Variants in KIF17 observed in about 807,000 individuals in gnomAD.
KIF17 encodes kinesin family member 17, also known as kinesin-like protein KIF17.
Under a neutral mutation model 96.8 loss-of-function variants are expected in KIF17, and 80 were observed. The observed-to-expected ratio is 0.83, with a 90% CI of 0.69 to 1.00. The LOEUF is 1.00. Ranked by LOEUF, KIF17 falls within the 50% of genes least tolerant of loss-of-function variation. The pLI, the probability that KIF17 is intolerant of heterozygous loss-of-function variation, is 0.00. For synonymous variants in KIF17, 567 were observed against 587.5 expected (o/e 0.97, Z 0.51); for missense variants, 1,280 against 1,372.9 (o/e 0.93, Z 1.07).
At chr1:20,669,564 TA>T (rs1553149018) in intron 13 of KIF17, among the ~76,000 whole-genome samples, 149 of 124,448 alleles carry the variant, frequency 1.2e-3, no homozygotes, top group African/African-American at 3.5e-3. Context: ...ATAATAATAA[TA>T]AATAAAATAA....
intron 6 of KIF17, among the ~76,000 whole-genome samples, chr1:20,695,035 GGCACACATGT>G (rs2054109302): frequency 6.6e-6 from 1 of 151,662 alleles, no homozygotes; most frequent in African/African-American, 2.4e-5. Flanking sequence ...CACACATGCA[GGCACACATGT>G]GCACACATGC....
rs1310191422 is a variant in KIF17 at position 20,700,217 on chromosome 1, T to C, written c.1124-1729A>G. ...TCCCGAGTAGCTGCGACTACAGGTG[T>C]GCGCCACTACGCCTGGCTAATATTT... On this transcript the variant is annotated intron_variant, in intron 5 of 14. Transcript: ENST00000400463. This position sits in a 1 kb window ranked among gnomAD's most constrained non-coding sequence, Gnocchi z 4.6. Among the ~76,000 whole-genome samples the C allele has an allele frequency of 6.6e-6, 1 of 152,082 alleles. No individual in the cohort carries two copies. Among genetic ancestry groups the C allele is most frequent in the Non-Finnish European group, 1.5e-5 (1 of 68,012 alleles).
intron 11 of KIF17, among the ~76,000 whole-genome samples, chr1:20,677,950 G>A (rs685026): frequency 0.019 from 2,954 of 152,330 alleles, 104 homozygotes; most frequent in African/African-American, 0.067. Context: ...AGAAGAAAGC[G>A]TGCACTAGAG....
At position 20,704,447 on chromosome 1, in the gene KIF17, C is replaced by G; in HGVS notation, c.1123G>C (p.Ala375Pro). 1 of 1,613,544 alleles carries G rather than the reference C, an allele frequency of 6.2e-7. No individual in the cohort carries two copies. Among genetic ancestry groups the G allele is most frequent in the Non-Finnish European group, 8.5e-7 (1 of 1,179,666 alleles). Residue 375 changes from alanine (A) to proline (P), a missense_variant and splice_region_variant, in exon 5 of 15, where the codon GCC (alanine) becomes CCC (proline). Transcript: ENST00000400463. The surrounding 1 kb of genome is among the most constrained non-coding windows in gnomAD (Gnocchi z 6.8). ...CGCCACTACCCCAACGTGGTCCCACCTGACAGGCTGCTGGGGCTCATCTGC... is the reference window on the plus strand; with the variant it reads ...CGCCACTACCCCAACGTGGTCCCACGTGACAGGCTGCTGGGGCTCATCTGC... ...TQQMSPSSLS[A>P]LLSRQVPPDP...
intron 5 of KIF17, among the ~76,000 whole-genome samples, chr1:20,701,528 G>A (rs534115112): frequency 5.3e-5 from 8 of 152,332 alleles, no homozygotes; most frequent in African/African-American, 9.6e-5. Context: ...GGACCCAGGC[G>A]AAGCCACCTG....
intron 4 of KIF17, among the ~76,000 whole-genome samples, chr1:20,707,152 C>T (rs894372968): frequency 2.6e-5 from 4 of 152,162 alleles, no homozygotes; most frequent in African/African-American, 7.2e-5. Context: ...CTTTGCAGAA[C>T]GGACCAGAAG....
rs766659265 is a variant in KIF17 at position 20,687,378 on chromosome 1, C to T, written c.1938+10G>A. 1.3e-5 allele frequency: 21 copies of T among 1,612,570 alleles called. No individual in the cohort carries two copies. Among genetic ancestry groups the T allele is most frequent in the Non-Finnish European group, 1.8e-5 (21 of 1,179,982 alleles). ...AGTGTTCACATGGCACCATGCGTGA[C>T]ATCAGCTACCTGCACAGGGACCTTG... On this transcript the variant is annotated intron_variant, in intron 8 of 14. Coordinates refer to ENST00000400463, the MANE Select transcript of KIF17 (RefSeq NM_001122819.3). The surrounding 1 kb of genome is among the most constrained non-coding windows in gnomAD (Gnocchi z 4.4).
At position 20,690,262 on chromosome 1, in the gene KIF17, T is replaced by G. The variant is rs1327263707; in HGVS notation, c.1307A>C (p.Glu436Ala). 8 of 1,386,978 alleles carry G rather than the reference T, an allele frequency of 5.8e-6. No homozygotes were observed. Among genetic ancestry groups the G allele is most frequent in the Non-Finnish European group, 6.7e-6 (7 of 1,048,046 alleles). The allele number at this position is 1,386,978 out of a possible 1,614,324, so 85.9% of individuals were successfully genotyped here. A position where few individuals can be genotyped will look rare whatever the true frequency, so the allele number is the denominator to read the frequency against. The change falls in exon 7 of 15, where the codon GAA becomes GCA. Residue 436 changes from glutamate (E) to alanine (A), a missense_variant. Physicochemically the swap from Glu to Ala is moderately radical, Grantham distance 107. Transcript: ENST00000400463. ...AEQESRARLE[E>A]DITAMRNSYD... The stretch of plus-strand genomic sequence containing the variant: ...TGAGTTGCGCATGGCAGTGATGTCT[T>G]CCTCCAGCCTGGCCCGAGACTCCTG...
rs569362242 is a variant in KIF17, at chr1:20,700,460, C to T, written c.1124-1972G>A. Among the ~76,000 whole-genome samples the T allele has an allele frequency of 8.5e-5, 13 of 152,218 alleles. No homozygotes were observed. In the East Asian group the frequency reaches 1.7e-3, roughly 20 times the overall value. Reference sequence around the variant, plus strand: ...GAGAACGTGAGAAGCCAGGGGCGACCCCAAGTGTCTGGTTTGAACACCTGA... The same window carrying T: ...GAGAACGTGAGAAGCCAGGGGCGACTCCAAGTGTCTGGTTTGAACACCTGA... On this transcript the variant is annotated intron_variant, in intron 5 of 14. Transcript: ENST00000400463. The surrounding 1 kb of genome is among the most constrained non-coding windows in gnomAD (Gnocchi z 4.6).
At position 20,685,487 on chromosome 1, in the gene KIF17, T is replaced by C. The variant is rs1570449189; in HGVS notation, c.2020-467A>G. Among the ~76,000 whole-genome samples the C allele has an allele frequency of 6.6e-6, 1 of 151,938 alleles. No homozygotes were observed. Among genetic ancestry groups the C allele is most frequent in the Non-Finnish European group, 1.5e-5 (1 of 67,974 alleles). On this transcript the variant is annotated intron_variant, in intron 9 of 14. Transcript: ENST00000400463. This position sits in a 1 kb window ranked among gnomAD's most constrained non-coding sequence, Gnocchi z 4.1. Reference sequence around the variant, plus strand: ...CCTTGGCACTTGCTATCCCCTCTGCTTGCTGCTTCCCCCCGTCCCTCCTTC... The same window carrying C: ...CCTTGGCACTTGCTATCCCCTCTGCCTGCTGCTTCCCCCCGTCCCTCCTTC...
At chr1:20,663,989 T>TAAAAA, downstream of KIF17, 3 of 161,254 alleles carry the variant, frequency 1.9e-5, no homozygotes, top group South Asian at 1.7e-4. Context: ...CAAGTGACAC[T>TAAAAA]GTCAGAGGGT....
chr1:20,681,238 GA>G (rs2053825616), intron 11 of KIF17, among the ~76,000 whole-genome samples: 1 of 151,402 alleles, frequency 6.6e-6, no homozygotes, highest in East Asian at 2.0e-4. Flanking sequence ...CACCCAGGCT[GA>G]AGTGCAGTGG....
chr1:20,675,307 G>A (rs1445702313), intron 11 of KIF17, among the ~76,000 whole-genome samples: 2 of 145,268 alleles, frequency 1.4e-5, no homozygotes, highest in South Asian at 2.2e-4. Flanking sequence ...AATTAGCCGG[G>A]CATCTTGGTG....
At position 20,704,367 on chromosome 1, in the gene KIF17, G is replaced by T; in HGVS notation, c.1123+80C>A. 1.7e-6 allele frequency: 2 copies of T among 1,179,902 alleles called. No individual in the cohort carries two copies. The highest frequency in any genetic ancestry group is 2.5e-6 in the Non-Finnish European group (2 of 813,624). 73.1% of individuals were successfully genotyped at this position (1,179,902 alleles called of 1,614,324 possible). A position where few individuals can be genotyped will look rare whatever the true frequency, so the allele number is the denominator to read the frequency against. ...GCTCCCACTGTCTTTTAGGTGGGAAGTTGGAGGCGAGAAGACAGAGGGAAG... is the reference window on the plus strand; with the variant it reads ...GCTCCCACTGTCTTTTAGGTGGGAATTTGGAGGCGAGAAGACAGAGGGAAG... On this transcript the variant is annotated intron_variant, in intron 5 of 14. Transcript: ENST00000400463. This position sits in a 1 kb window ranked among gnomAD's most constrained non-coding sequence, Gnocchi z 6.8.
At chr1:20,712,461 C>A (rs1470821205) in intron 3 of KIF17, among the ~76,000 whole-genome samples, 1 of 144,370 alleles carries the variant, frequency 6.9e-6, no homozygotes, top group Non-Finnish European at 1.5e-5. Context: ...CTACCGGGGG[C>A]GCTGAGGTGG....
In KIF17 at chr1:20,687,831, T is replaced by C. The variant is rs1210483010; in HGVS notation, c.1495A>G (p.Lys499Glu). ...AFQYETVVKP[K>E]VFSTTDTLPS... ...AGAGTGTCAGTCGTGGAGAAGACCT[T>C]GGGTTTCACCACTGTCTCATACTGA... Residue 499 changes from lysine (K) to glutamate (E), a missense_variant, in exon 8 of 15, where the codon AAG (lysine) becomes GAG (glutamate). By Grantham distance (56) the Lys-to-Glu change is moderately conservative. Coordinates refer to ENST00000400463, the MANE Select transcript of KIF17 (RefSeq NM_001122819.3). The surrounding 1 kb of genome is among the most constrained non-coding windows in gnomAD (Gnocchi z 4.4). 6.2e-7 allele frequency: 1 copy of C among 1,614,060 alleles called. No individual in the cohort carries two copies. The highest frequency in any genetic ancestry group is 8.5e-7 in the Non-Finnish European group (1 of 1,179,990).
chr1:20,699,149 A>G lies in KIF17; in HGVS notation c.1124-661T>C, dbSNP rs2054191469. ...TTTTTTGTAGAGATGGGGTCTCGCC[A>G]TGTTGTCCAGGCTGGTCTCAAACTC... On this transcript the variant is annotated intron_variant, in intron 5 of 14. Transcript: ENST00000400463. The surrounding 1 kb of genome is among the most constrained non-coding windows in gnomAD (Gnocchi z 4.3). Among the ~76,000 whole-genome samples, 1 of 152,120 alleles carries G rather than the reference A, an allele frequency of 6.6e-6. No individual in the cohort carries two copies. The highest frequency in any genetic ancestry group is 1.5e-5 in the Non-Finnish European group (1 of 68,016).
intron 11 of KIF17, among the ~76,000 whole-genome samples, chr1:20,679,270 A>G (rs577546603): frequency 1.8e-4 from 27 of 152,288 alleles, no homozygotes; most frequent in African/African-American, 5.8e-4. Flanking sequence ...CAGGAGTTTG[A>G]GACCAGCCTG....
At chr1:20,663,872 C>G (rs1266647816), downstream of KIF17, 2 of 153,278 alleles carry the variant, frequency 1.3e-5, no homozygotes, top group East Asian at 3.8e-4. Context: ...AGAATGTACT[C>G]ACTATTATAG....
Sources: gnomAD v4.1 joint callset for allele counts (sites outside exome capture counted in the v4.1 genomes callset) on GRCh38, gnomAD v4.1.1 for gene constraint, Gnocchi (gnomAD v3.1) non-coding constraint, MANE v1.5 for transcripts, NCBI Gene and HGNC (gene_info 2026-07-23, HGNC 2026-07-21) for gene names.